The following ADAM12 variants were observed in gnomAD, a reference collection of about 807,000 sequenced individuals.
ADAM12 encodes ADAM metallopeptidase domain 12.
ADAM12 carries 70 observed loss-of-function variants against 106.4 expected under a neutral mutation model. That is an observed-to-expected ratio of 0.66 (90% CI 0.54 to 0.80). ADAM12 has a LOEUF of 0.80. Ranked by LOEUF, ADAM12 falls within the 30% of genes least tolerant of loss-of-function variation. The pLI, the probability that ADAM12 is intolerant of heterozygous loss-of-function variation, is 0.00. For missense variants in ADAM12, 1,010 were observed against 1,171.9 expected (o/e 0.86, Z 2.02); for synonymous variants, 420 against 433.5 (o/e 0.97, Z 0.39).
intron 3 of ADAM12, among the ~76,000 whole-genome samples, chr10:126,208,202 G>A (rs1957832364): frequency 6.6e-6 from 1 of 152,198 alleles, no homozygotes; most frequent in Admixed American, 6.5e-5. Context: ...GTTCTTAATG[G>A]AGCGTAGGGT....
At chr10:126,256,045 GCCA>G (rs1958886090) in intron 3 of ADAM12, among the ~76,000 whole-genome samples, 2 of 152,172 alleles carry the variant, frequency 1.3e-5, no homozygotes, top group Non-Finnish European at 2.9e-5. Context: ...AGCCAAGTCT[GCCA>G]CGGTGGTGCT....
intron 3 of ADAM12, among the ~76,000 whole-genome samples, chr10:126,191,114 G>A (rs1261397711): frequency 6.9e-6 from 1 of 145,698 alleles, no homozygotes; most frequent in Non-Finnish European, 1.5e-5. Context: ...TGATTCTCAT[G>A]CCTCAGCCTT....
At chr10:126,325,828 T>C (rs1358748788) in intron 2 of ADAM12, among the ~76,000 whole-genome samples, 1 of 152,230 alleles carries the variant, frequency 6.6e-6, no homozygotes, top group Non-Finnish European at 1.5e-5. Context: ...GTGTTAAGTT[T>C]CTAGCGTATT....
intron 3 of ADAM12, among the ~76,000 whole-genome samples, chr10:126,216,446 C>T (rs534106214): frequency 1.3e-5 from 2 of 152,282 alleles, no homozygotes; most frequent in South Asian, 2.1e-4. Flanking sequence ...TTACAGAGCT[C>T]GAAAGCTCTC....
intron 1 of ADAM12, among the ~76,000 whole-genome samples, chr10:126,368,284 A>G (rs1855985882): frequency 6.6e-6 from 1 of 151,832 alleles, no homozygotes; most frequent in African/African-American, 2.4e-5. Context: ...AACTCTTCAG[A>G]AACATAAATT....
rs1958397024 is a variant in ADAM12, at chr10:126,235,522, C to G, written c.260+43393G>C. ...TGGCCTTCTGGCCTTCCTCGAGGGA[C>G]TTGAACTTGCTGCAGGAGCGTGCCT... is the stretch of plus-strand genomic sequence containing the variant. On this transcript the variant is annotated intron_variant, in intron 3 of 22. Transcript: ENST00000448723. 2.0e-5 allele frequency among the ~76,000 whole-genome samples: 3 copies of G among 152,288 alleles called. No homozygotes were observed. The South Asian group carries it at 6.2e-4, about 32-fold the overall frequency.
At chr10:126,126,650 C>A (rs1006724129) in intron 5 of ADAM12, among the ~76,000 whole-genome samples, 2 of 151,470 alleles carry the variant, frequency 1.3e-5, no homozygotes, top group Admixed American at 1.3e-4. Flanking sequence ...AAAACATGAC[C>A]TTCTAGAATG....
chr10:126,290,743 C>A (rs1029683274), intron 2 of ADAM12, among the ~76,000 whole-genome samples: 1 of 152,056 alleles, frequency 6.6e-6, no homozygotes, highest in African/African-American at 2.4e-5. Flanking sequence ...TAACTGAGGG[C>A]CTATTTATGA....
In ADAM12 at chr10:126,113,829, G is replaced by A. The variant is rs147861384; in HGVS notation, c.604-3989C>T. On this transcript the variant is annotated intron_variant, in intron 6 of 22. Coordinates refer to ENST00000448723, the MANE Select transcript of ADAM12 (RefSeq NM_001288973.2). The stretch of plus-strand genomic sequence containing the variant: ...AGTGCAGCAAGGAGGCCATGCAGTC[G>A]TCCAGGTGAGAGGTGACAGTCATGA... 4.1e-3 allele frequency among the ~76,000 whole-genome samples: 618 copies of A among 149,274 alleles called. 3 individuals are homozygous for A. Among genetic ancestry groups the A allele is most frequent in the Middle Eastern group, 7.0e-3 (2 of 284 alleles).
intron 3 of ADAM12, among the ~76,000 whole-genome samples, chr10:126,276,230 A>G (rs528340757): frequency 4.6e-5 from 7 of 152,300 alleles, no homozygotes; most frequent in Non-Finnish European, 1.0e-4. Context: ...TCAGCTGTTC[A>G]TCCTGATTGA....
chr10:126,259,370 G>A (rs1295373202), intron 3 of ADAM12, among the ~76,000 whole-genome samples: 1 of 152,124 alleles, frequency 6.6e-6, no homozygotes, highest in Non-Finnish European at 1.5e-5. Flanking sequence ...GCTCTGCAAA[G>A]TTATAATACG....
chr10:126,292,069 T>C (rs1206672807), intron 2 of ADAM12, among the ~76,000 whole-genome samples: 3 of 152,110 alleles, frequency 2.0e-5, no homozygotes, highest in Non-Finnish European at 4.4e-5. Context: ...ATGTAGAAGA[T>C]GCTCGACGCC....
chr10:126,146,655 C>T (rs1389906239), intron 4 of ADAM12, among the ~76,000 whole-genome samples: 2 of 152,174 alleles, frequency 1.3e-5, no homozygotes, highest in Non-Finnish European at 2.9e-5. Context: ...CAAGCACCAT[C>T]CTATAACATC....
intron 2 of ADAM12, among the ~76,000 whole-genome samples, chr10:126,306,238 T>TCA (rs1299551925): frequency 1.3e-5 from 2 of 152,018 alleles, no homozygotes; most frequent in Non-Finnish European, 2.9e-5. Context: ...TATCTTACTG[T>TCA]CATCCTTTCA....
chr10:126,047,962 A>T (rs961907525), intron 16 of ADAM12, among the ~76,000 whole-genome samples: 1 of 152,244 alleles, frequency 6.6e-6, no homozygotes, highest in African/African-American at 2.4e-5. Flanking sequence ...CTATGCAGCC[A>T]TAAAAAAGAA....
chr10:126,262,280 G>C (rs1414719098), intron 3 of ADAM12, among the ~76,000 whole-genome samples: 2 of 152,054 alleles, frequency 1.3e-5, no homozygotes. Flanking sequence ...TATAGTATTT[G>C]TGTTGGTTTT....
At chr10:126,364,736 A>C (rs1855853381) in intron 1 of ADAM12, among the ~76,000 whole-genome samples, 1 of 152,176 alleles carries the variant, frequency 6.6e-6, no homozygotes, top group South Asian at 2.1e-4. Context: ...GATATGAACT[A>C]ACAATTTAAA....
intron 5 of ADAM12, among the ~76,000 whole-genome samples, chr10:126,120,875 T>C (rs1956071698): frequency 7.1e-6 from 1 of 140,806 alleles, no homozygotes; most frequent in Non-Finnish European, 1.5e-5. Flanking sequence ...TAATATATAA[T>C]AATACACAAT....
At chr10:126,068,722 T>C (rs189052227) in intron 12 of ADAM12, among the ~76,000 whole-genome samples, 1 of 152,318 alleles carries the variant, frequency 6.6e-6, no homozygotes, top group East Asian at 1.9e-4. Flanking sequence ...AGACACATTC[T>C]TCATCTGCTG....
Sources: allele counts gnomAD v4.1 joint callset (sites outside exome capture counted in the v4.1 genomes callset), GRCh38; gene constraint gnomAD v4.1.1; transcripts MANE v1.5; gene names NCBI Gene and HGNC (gene_info 2026-07-23, HGNC 2026-07-21).